Variants in KSR2 observed in about 807,000 individuals in gnomAD.
KSR2 encodes the protein kinase suppressor of ras 2.
Under a neutral mutation model 107.8 loss-of-function variants are expected in KSR2, and 25 were observed. That is an observed-to-expected ratio of 0.23 (90% confidence interval 0.17 to 0.32). KSR2 has a LOEUF of 0.32. KSR2 is among the 10% of genes least tolerant of loss of function. KSR2 has a pLI of 1.00. For missense variants in KSR2, 887 were observed against 1,268.9 expected, an observed-to-expected ratio of 0.70 and a Z score of 4.57; for synonymous variants, 480 against 507.0, an observed-to-expected ratio of 0.95 and a Z score of 0.71.
At chr12:117,595,505 C>T (rs974032836) in intron 5 of KSR2, among the ~76,000 whole-genome samples, 5 of 151,996 alleles carry the variant, frequency 3.3e-5, no homozygotes, top group Admixed American at 6.5e-5. Context: ...GCTGGGACTA[C>T]AGGCGCCCGC....
At chr12:117,873,436 C>T (rs1463672257) in intron 1 of KSR2, among the ~76,000 whole-genome samples, 4 of 145,196 alleles carry the variant, frequency 2.8e-5, no homozygotes, top group Non-Finnish European at 4.5e-5. Flanking sequence ...AGGCCTCATT[C>T]GTTCATTTAA....
chr12:117,866,044 T>TA (rs779037465), intron 1 of KSR2, among the ~76,000 whole-genome samples: 1 of 151,012 alleles, frequency 6.6e-6, no homozygotes. Flanking sequence ...CTCTCTTTTT[T>TA]TTTTTTTTTT....
chr12:117,661,057 A>G lies in KSR2; in HGVS notation c.1171+6417T>C, dbSNP rs368531390. On this transcript the variant is annotated intron_variant, in intron 5 of 19. Coordinates refer to ENST00000339824, the MANE Select transcript of KSR2 (RefSeq NM_173598.6). ...TACTAAGAAAGATTCAACGCCACTT[A>G]ATGTAGGCATCCTGCCAAGGACATC... Among the ~76,000 whole-genome samples, 4 of 152,358 alleles carry G rather than the reference A, an allele frequency of 2.6e-5. No individual in the cohort carries two copies. The East Asian group carries it at 5.8e-4, about 22-fold the overall frequency.
At chr12:117,572,326 T>C (rs1270177626) in intron 7 of KSR2, among the ~76,000 whole-genome samples, 2 of 152,226 alleles carry the variant, frequency 1.3e-5, no homozygotes, top group Middle Eastern at 3.4e-3. Context: ...ATACGAAGTA[T>C]CTGGGATGCT....
At chr12:117,637,169 G>A (rs1162432437) in intron 5 of KSR2, among the ~76,000 whole-genome samples, 2 of 152,180 alleles carry the variant, frequency 1.3e-5, no homozygotes, top group Non-Finnish European at 2.9e-5. Context: ...CAAGGATATG[G>A]AGCAACCTAA....
rs7486022 is a variant in KSR2, at chr12:117,467,186, C to T, written c.*13G>A. The T allele has an allele frequency of 1.6e-3, 1,148 of 720,700 alleles. 12 individuals are homozygous for T. The African/African-American group carries it at 0.018, about 12-fold the overall frequency. 44.6% of individuals were successfully genotyped at this position (720,700 alleles called of 1,614,324 possible). On this transcript the variant is annotated 3_prime_UTR_variant, in exon 20 of 20. Coordinates refer to ENST00000339824, the MANE Select transcript of KSR2 (RefSeq NM_173598.6). Reference sequence around the variant, plus strand: ...GAGCCCAGGCAGCTGGGCGCCGTCCCGATGTCCAAAGGTCACAGCCTGGAG... The same window carrying T: ...GAGCCCAGGCAGCTGGGCGCCGTCCTGATGTCCAAAGGTCACAGCCTGGAG...
At chr12:117,683,346 T>G (rs2136542728) in intron 4 of KSR2, among the ~76,000 whole-genome samples, 1 of 152,286 alleles carries the variant, frequency 6.6e-6, no homozygotes, top group East Asian at 1.9e-4. Flanking sequence ...TGATGATATT[T>G]CATTATTTTT....
intron 3 of KSR2, among the ~76,000 whole-genome samples, chr12:117,795,748 C>T (rs1400474368): frequency 1.3e-5 from 2 of 152,256 alleles, no homozygotes; most frequent in South Asian, 4.2e-4. Flanking sequence ...CCCGCCTCAA[C>T]CTCCCGAGTA....
At chr12:117,741,611 G>A (rs1305169173) in intron 4 of KSR2, among the ~76,000 whole-genome samples, 1 of 152,168 alleles carries the variant, frequency 6.6e-6, no homozygotes, top group Non-Finnish European at 1.5e-5. Flanking sequence ...GGATTACAGT[G>A]AGCTATGATT....
At chr12:117,953,718 CT>C (rs1169597590) in intron 1 of KSR2, among the ~76,000 whole-genome samples, 1 of 152,200 alleles carries the variant, frequency 6.6e-6, no homozygotes, top group East Asian at 1.9e-4. Flanking sequence ...AATAAAAAAA[CT>C]TTTAGAAGTT....
intron 1 of KSR2, among the ~76,000 whole-genome samples, chr12:117,963,332 A>G (rs1896710335): frequency 6.6e-6 from 1 of 152,208 alleles, no homozygotes; most frequent in Non-Finnish European, 1.5e-5. Flanking sequence ...CTTTCCAGAA[A>G]AAGTTTGCCA....
intron 14 of KSR2, among the ~76,000 whole-genome samples, chr12:117,518,874 C>T (rs1342528059): frequency 3.3e-5 from 5 of 152,152 alleles, no homozygotes; most frequent in Non-Finnish European, 5.9e-5. Flanking sequence ...ATGTCACTTC[C>T]CCTATGAAGC....
intron 3 of KSR2, among the ~76,000 whole-genome samples, chr12:117,779,436 G>C (rs1311843486): frequency 6.6e-6 from 1 of 152,130 alleles, no homozygotes; most frequent in Non-Finnish European, 1.5e-5. Context: ...CATCTAAAAA[G>C]GGAATAATAA....
chr12:117,952,099 A>C (rs1210520901), intron 1 of KSR2, among the ~76,000 whole-genome samples: 2 of 152,024 alleles, frequency 1.3e-5, no homozygotes, highest in African/African-American at 2.4e-5. Context: ...GACTATAGTT[A>C]ATAATACTAT....
intron 1 of KSR2, among the ~76,000 whole-genome samples, chr12:117,874,221 A>C (rs918763159): frequency 4.6e-5 from 7 of 151,926 alleles, no homozygotes; most frequent in Non-Finnish European, 1.0e-4. Context: ...TGCTGAAGTG[A>C]GTGTTAGATT....
At chr12:117,793,373 A>G (rs957761885) in intron 3 of KSR2, among the ~76,000 whole-genome samples, 1 of 148,460 alleles carries the variant, frequency 6.7e-6, no homozygotes, top group African/African-American at 2.5e-5. Context: ...ACCAACATGC[A>G]CACACACCAC....
At chr12:117,480,713 G>T (rs960865783) in intron 16 of KSR2, among the ~76,000 whole-genome samples, 3 of 152,072 alleles carry the variant, frequency 2.0e-5, no homozygotes, top group African/African-American at 2.4e-5. Flanking sequence ...TTGCCAGATT[G>T]TCCATCCCAC....
In KSR2 at chr12:117,842,248, T is replaced by C. The variant is rs1334123489; in HGVS notation, c.472+13180A>G. On this transcript the variant is annotated intron_variant, in intron 3 of 19. Coordinates refer to ENST00000339824, the MANE Select transcript of KSR2 (RefSeq NM_173598.6). This position sits in a 1 kb window ranked among gnomAD's most constrained non-coding sequence, Gnocchi z 4.2. The stretch of plus-strand genomic sequence containing the variant: ...ATCATTTTAGATATGCTAGAGACTA[T>C]GATAGGATAGAGAGTGGCCAGGATG... 6.6e-6 allele frequency among the ~76,000 whole-genome samples: 1 copy of C among 152,148 alleles called. No homozygotes were observed. Among genetic ancestry groups the C allele is most frequent in the Non-Finnish European group, 1.5e-5 (1 of 68,028 alleles).
At chr12:117,878,260 C>T (rs918904638) in intron 1 of KSR2, among the ~76,000 whole-genome samples, 1 of 148,360 alleles carries the variant, frequency 6.7e-6, no homozygotes, top group Non-Finnish European at 1.5e-5. Context: ...ACGCTTTCAT[C>T]CAGGGCTGGC....
Sources: allele counts gnomAD v4.1 joint callset (sites outside exome capture counted in the v4.1 genomes callset), GRCh38; gene constraint gnomAD v4.1.1; non-coding constraint Gnocchi (gnomAD v3.1); transcripts MANE v1.5; gene names NCBI Gene and HGNC (gene_info 2026-07-23, HGNC 2026-07-21).